SEC14L1: variants seen among roughly 807,000 people sequenced by gnomAD.
SEC14L1 encodes the protein SEC14-like protein 1.
A neutral mutation model predicts 85.3 loss-of-function variants in SEC14L1; 48 were observed. The observed-to-expected ratio is 0.56, with a 90% CI of 0.45 to 0.72. The LOEUF (loss-of-function observed/expected upper bound fraction) is 0.72, where lower values mean the gene tolerates loss of function less well. Ranked by LOEUF, SEC14L1 falls within the 30% of genes least tolerant of loss-of-function variation. The pLI is 0.00. For missense variants in SEC14L1, 682 were observed against 921.4 expected (o/e 0.74, Z 3.36); for synonymous variants, 391 against 355.5 (o/e 1.10, Z -1.12).
At chr17:77,194,220 T>C (rs1381625055) in intron 6 of SEC14L1, among the ~76,000 whole-genome samples, 1 of 152,208 alleles carries the variant, frequency 6.6e-6, no homozygotes, top group Non-Finnish European at 1.5e-5. Flanking sequence ...TTTCTTTTTT[T>C]CTATTAATTT....
At chr17:77,200,796 CTG>C in intron 9 of SEC14L1, 123 bp downstream of exon 9, 3 of 924,536 alleles carry the variant, frequency 3.2e-6, no homozygotes, top group Non-Finnish European at 4.9e-6. Flanking sequence ...TCTCCTCACT[CTG>C]AGAATTTGGC....
rs75025179 is a variant in SEC14L1, at chr17:77,148,415, T to G, written c.63+4756T>G. Among the ~76,000 whole-genome samples, 15 of 152,270 alleles carry G rather than the reference T, an allele frequency of 9.9e-5. No homozygotes were observed. The East Asian group carries it at 2.9e-3, about 29-fold the overall frequency. ...ACACGATAGAAGAGGCTCCATTAGC[T>G]CCTGTGCATCCCAGGAGTTGCCACC... On this transcript the variant is annotated intron_variant, in intron 3 of 16. Transcript: ENST00000436233.
intron 3 of SEC14L1, among the ~76,000 whole-genome samples, chr17:77,166,240 C>T (rs755719999): frequency 6.6e-6 from 1 of 152,144 alleles, no homozygotes; most frequent in African/African-American, 2.4e-5. Context: ...CATGCTTGGC[C>T]CCCTACTTAT....
chr17:77,191,799 ATT>A (rs761604582), intron 5 of SEC14L1, among the ~76,000 whole-genome samples: 1 of 130,366 alleles, frequency 7.7e-6, no homozygotes, highest in Non-Finnish European at 1.6e-5. Flanking sequence ...CCTTGGCCTA[ATT>A]TTTTTTTTTT....
chr17:77,185,978 G>T (rs1256353573), intron 3 of SEC14L1, among the ~76,000 whole-genome samples: 1 of 152,144 alleles, frequency 6.6e-6, no homozygotes, highest in Non-Finnish European at 1.5e-5. Flanking sequence ...TAGAAGAGGG[G>T]AGCAGATAAA....
intron 6 of SEC14L1, 45 bp from the exon 7 acceptor site, chr17:77,194,632 G>C: frequency 6.9e-7 from 1 of 1,444,020 alleles, no homozygotes; most frequent in East Asian, 2.3e-5. Flanking sequence ...TGAGTAATTT[G>C]AATGTTGAAT....
At chr17:77,189,142 C>G (rs1257398852) in intron 3 of SEC14L1, among the ~76,000 whole-genome samples, 2 of 152,100 alleles carry the variant, frequency 1.3e-5, no homozygotes, top group African/African-American at 2.4e-5. Context: ...CAGGCAACAC[C>G]TCATTCTATA....
At chr17:77,108,652 T>G (rs1226496327) in intron 3 of SEC14L1, among the ~76,000 whole-genome samples, 1 of 151,520 alleles carries the variant, frequency 6.6e-6, no homozygotes, top group Non-Finnish European at 1.5e-5. Context: ...GGCAGGAGGA[T>G]CGCTTGAACC....
Position 77,214,295 on chromosome 17 carries a change from A to C in SEC14L1, c.*272A>C. The C allele has an allele frequency of 8.1e-7, 1 of 1,237,410 alleles. No homozygotes were observed. The highest frequency in any genetic ancestry group is 1.0e-6 in the Non-Finnish European group (1 of 985,532). The allele number at this position is 1,237,410 out of a possible 1,614,324, so 76.7% of individuals were successfully genotyped here. A position where few individuals can be genotyped will look rare whatever the true frequency, so the allele number is the denominator to read the frequency against. ...GCAAGGGCTCTCTTGAAAGAAAAGTAGTTTCTGTACCAATTAAAGGATTGA... is the reference window on the plus strand; with the variant it reads ...GCAAGGGCTCTCTTGAAAGAAAAGTCGTTTCTGTACCAATTAAAGGATTGA... On this transcript the variant is annotated 3_prime_UTR_variant, in exon 17 of 17. Transcript: ENST00000436233.
intron 3 of SEC14L1, among the ~76,000 whole-genome samples, chr17:77,178,422 T>G (rs1184435152): frequency 6.6e-6 from 1 of 152,178 alleles, no homozygotes; most frequent in African/African-American, 2.4e-5. Flanking sequence ...GAATTAAAAC[T>G]TTTTACGTGT....
chr17:77,194,600 AAAAG>A, intron 6 of SEC14L1, 73 bp from the exon 7 acceptor site: 1 of 1,244,884 alleles, frequency 8.0e-7, no homozygotes, highest in Non-Finnish European at 1.1e-6. Flanking sequence ...TGGCTAGAAA[AAAAG>A]AAAAATCTTG....
chr17:77,140,084 G>T (rs530417914), upstream of SEC14L1, among the ~76,000 whole-genome samples: 23 of 152,346 alleles, frequency 1.5e-4, 1 homozygote, highest in South Asian at 4.8e-3. Flanking sequence ...TATAAAACCA[G>T]CTTTGCTGTG....
chr17:77,148,351 C>A (rs1349602713), intron 3 of SEC14L1, among the ~76,000 whole-genome samples: 1 of 152,226 alleles, frequency 6.6e-6, no homozygotes, highest in South Asian at 2.1e-4. Context: ...GGTCTTTCTT[C>A]TGCTGAGGAC....
At chr17:77,128,744 G>A (rs540888976) in intron 3 of SEC14L1, among the ~76,000 whole-genome samples, 48 of 152,032 alleles carry the variant, frequency 3.2e-4, no homozygotes, top group African/African-American at 1.1e-3. Flanking sequence ...GTGATTCACC[G>A]CGCCTGGCCA....
Position 77,142,630 on chromosome 17 carries a change from CT to C in SEC14L1, c.-135-6del, listed in dbSNP as rs3834559. 2,242 of 144,496 alleles carry C rather than the reference CT, an allele frequency of 0.016. 54 individuals carry two copies. Among genetic ancestry groups the C allele is most frequent in the Admixed American group, 0.044 (643 of 14,598 alleles). 9.0% of individuals were successfully genotyped at this position (144,496 alleles called of 1,614,324 possible). On this transcript the variant is annotated splice_polypyrimidine_tract_variant and intron_variant, in intron 1 of 16. Transcript: ENST00000436233. ...ATACATCTTGGTAATTTGTCTCTCT[CT>C]TTTTTTTTTAACAGCTAGACTTCGG... is the stretch of plus-strand genomic sequence containing the variant.
chr17:77,135,781 TC>T (rs1013361237), intron 3 of SEC14L1, among the ~76,000 whole-genome samples: 6 of 152,288 alleles, frequency 3.9e-5, no homozygotes, highest in African/African-American at 1.4e-4. Context: ...GCTCAAGCAA[TC>T]CTTCCAACTT....
At chr17:77,142,225 G>A (rs1973087377) in intron 1 of SEC14L1, among the ~76,000 whole-genome samples, 1 of 152,094 alleles carries the variant, frequency 6.6e-6, no homozygotes, top group Non-Finnish European at 1.5e-5. Flanking sequence ...TCCTCTGAGA[G>A]GTATGCCAGA....
chr17:77,191,042 C>T lies in SEC14L1; in HGVS notation c.213+90C>T. On this transcript the variant is annotated intron_variant, in intron 4 of 16. Transcript: ENST00000436233. ...GAGAGGGCGTCCTGGAGGGAGAGGG[C>T]ATCCTGGAGGGAGAGGGCGTCCTGG... The T allele has an allele frequency of 3.9e-6, 6 of 1,553,554 alleles. No homozygotes were observed. In the South Asian group the frequency reaches 4.7e-5, roughly 12 times the overall value.
chr17:77,153,658 A>G (rs1567897224), intron 3 of SEC14L1, among the ~76,000 whole-genome samples: 2 of 152,088 alleles, frequency 1.3e-5, no homozygotes, highest in African/African-American at 4.8e-5. Context: ...ACTTGGCAGG[A>G]GTCTGGCCTG....
Sources: gnomAD v4.1 joint callset for allele counts (sites outside exome capture counted in the v4.1 genomes callset) on GRCh38, gnomAD v4.1.1 for gene constraint, MANE v1.5 for transcripts, NCBI Gene and HGNC (gene_info 2026-07-23, HGNC 2026-07-21) for gene names.